Variants in LAMA2 observed in about 807,000 individuals in gnomAD.
LAMA2 encodes the protein laminin subunit alpha-2.
LAMA2 carries 269 observed loss-of-function variants against 364.8 expected under a neutral mutation model. The ratio of observed to expected loss-of-function variants is 0.74; its 90% CI spans 0.67 to 0.82. The LOEUF (loss-of-function observed/expected upper bound fraction) is 0.82, where lower values mean the gene tolerates loss of function less well. Ranked by LOEUF, LAMA2 falls within the 40% of genes least tolerant of loss-of-function variation. The pLI, the probability that LAMA2 is intolerant of heterozygous loss-of-function variation, is 0.00. For missense variants in LAMA2, 3,807 were observed against 3,873.2 expected (o/e 0.98, Z 0.45); for synonymous variants, 1,379 against 1,370.6 (o/e 1.01, Z -0.14).
At chr6:128,957,732 A>C (rs1781237095) in intron 1 of LAMA2, among the ~76,000 whole-genome samples, 1 of 151,928 alleles carries the variant, frequency 6.6e-6, no homozygotes, top group South Asian at 2.1e-4. Flanking sequence ...AGTTGTCTCG[A>C]AGAGCAGTTT....
chr6:129,288,366 A>G (rs964378474), intron 19 of LAMA2, among the ~76,000 whole-genome samples: 4 of 152,194 alleles, frequency 2.6e-5, no homozygotes, highest in Non-Finnish European at 4.4e-5. Flanking sequence ...AAGAATTTGC[A>G]TATTAGATAG....
intron 12 of LAMA2, among the ~76,000 whole-genome samples, chr6:129,234,738 T>C (rs1039663203): frequency 1.1e-4 from 16 of 152,154 alleles, no homozygotes; most frequent in African/African-American, 3.9e-4. Flanking sequence ...TTTTATGTTA[T>C]TTAGAAAATT....
chr6:129,501,044 C>T (rs1220754139), intron 58 of LAMA2, among the ~76,000 whole-genome samples: 1 of 152,174 alleles, frequency 6.6e-6, no homozygotes, highest in Non-Finnish European at 1.5e-5. Flanking sequence ...AATTCTGCCC[C>T]CAGTGGACTC....
intron 49 of LAMA2, among the ~76,000 whole-genome samples, chr6:129,462,690 T>A (rs1583810087): frequency 6.6e-6 from 1 of 152,068 alleles, no homozygotes; most frequent in South Asian, 2.1e-4. Flanking sequence ...CCCAACCCTA[T>A]TTTCCCATAA....
intron 40 of LAMA2, among the ~76,000 whole-genome samples, chr6:129,415,033 A>T (rs1164409133): frequency 6.6e-6 from 1 of 152,182 alleles, no homozygotes; most frequent in African/African-American, 2.4e-5. Flanking sequence ...CTGTGCTTAG[A>T]TTCTTCATTT....
At chr6:129,512,127 A>G (rs756633300) in intron 62 of LAMA2, among the ~76,000 whole-genome samples, 38 of 152,154 alleles carry the variant, frequency 2.5e-4, no homozygotes, top group Non-Finnish European at 4.9e-4. Flanking sequence ...CCCTGATCTC[A>G]TAGCACATAC....
intron 8 of LAMA2, among the ~76,000 whole-genome samples, chr6:129,162,301 T>C (rs1287298473): frequency 6.6e-6 from 1 of 152,214 alleles, no homozygotes; most frequent in Admixed American, 6.5e-5. Context: ...AGCAATACAA[T>C]GTTGTCATTT....
intron 17 of LAMA2, among the ~76,000 whole-genome samples, chr6:129,274,692 G>A (rs1264775495): frequency 6.6e-6 from 1 of 151,922 alleles, no homozygotes; most frequent in African/African-American, 2.4e-5. Flanking sequence ...AACTATTTAT[G>A]GTGATCACTA....
At chr6:129,168,040 G>A (rs1234179940) in intron 9 of LAMA2, among the ~76,000 whole-genome samples, 1 of 149,028 alleles carries the variant, frequency 6.7e-6, no homozygotes, top group Non-Finnish European at 1.5e-5. Flanking sequence ...ATTTGTTTGA[G>A]TTCATTGTAG....
At chr6:128,927,075 T>A (rs1779147792) in intron 1 of LAMA2, among the ~76,000 whole-genome samples, 1 of 152,200 alleles carries the variant, frequency 6.6e-6, no homozygotes, top group South Asian at 2.1e-4. Context: ...GGACTGAGAA[T>A]GATCGATGGC....
At chr6:129,477,883 A>AAAAG (rs959479724) in intron 53 of LAMA2, among the ~76,000 whole-genome samples, 3 of 152,170 alleles carry the variant, frequency 2.0e-5, no homozygotes, top group African/African-American at 4.8e-5. Context: ...TCCTGGGCTC[A>AAAAG]AAAGATCCTC....
chr6:129,443,025 T>C, intron 43 of LAMA2, 38 bp from the exon 44 acceptor site: 1 of 1,416,708 alleles, frequency 7.1e-7, no homozygotes, highest in Non-Finnish European at 9.8e-7. Flanking sequence ...GAATTTATAA[T>C]TTTTTTTTGT....
intron 4 of LAMA2, among the ~76,000 whole-genome samples, chr6:129,140,877 C>T (rs1471125680): frequency 3.9e-5 from 6 of 152,046 alleles, no homozygotes; most frequent in Non-Finnish European, 8.8e-5. Flanking sequence ...GATGAAAATA[C>T]CAAAGCTGTG....
At chr6:129,299,892 C>A (rs1442470889) in intron 21 of LAMA2, among the ~76,000 whole-genome samples, 1 of 152,122 alleles carries the variant, frequency 6.6e-6, no homozygotes, top group Non-Finnish European at 1.5e-5. Flanking sequence ...TTACTCATAA[C>A]ATTAGTCTTC....
intron 12 of LAMA2, among the ~76,000 whole-genome samples, chr6:129,226,218 CTGTG>C (rs891543958): frequency 2.0e-5 from 3 of 152,146 alleles, no homozygotes; most frequent in Non-Finnish European, 4.4e-5. Context: ...TATTTTGAGC[CTGTG>C]TGTGTCTCTG....
At chr6:129,034,462 C>CTT (rs921034307) in intron 1 of LAMA2, among the ~76,000 whole-genome samples, 3 of 151,008 alleles carry the variant, frequency 2.0e-5, no homozygotes, top group Non-Finnish European at 4.4e-5. Context: ...GTTTTTTTTT[C>CTT]TTTTTTCCTT....
chr6:129,281,955 T>G (rs964873996), intron 18 of LAMA2, among the ~76,000 whole-genome samples: 1 of 152,150 alleles, frequency 6.6e-6, no homozygotes. Context: ...CATTTTTTGT[T>G]TGAGATGTGC....
chr6:129,328,456 C>T lies in LAMA2; in HGVS notation c.4311+44C>T, dbSNP rs778436764. ...CTTGAACAAGGTCCATGTGCTCATT[C>T]CTCTTTACACATGCTCAGCATCTGC... On this transcript the variant is annotated intron_variant, in intron 29 of 64. Transcript: ENST00000421865. 11 of 1,613,736 alleles carry T rather than the reference C, an allele frequency of 6.8e-6. No individual in the cohort carries two copies. The East Asian group carries it at 1.8e-4, about 26-fold the overall frequency.
chr6:129,272,897 C>A (rs910100343), intron 17 of LAMA2, among the ~76,000 whole-genome samples: 1 of 152,068 alleles, frequency 6.6e-6, no homozygotes, highest in African/African-American at 2.4e-5. Flanking sequence ...ACAGTTTTAT[C>A]CCAAACTCCT....
Sources: allele counts gnomAD v4.1 joint callset (sites outside exome capture counted in the v4.1 genomes callset), GRCh38; gene constraint gnomAD v4.1.1; transcripts MANE v1.5; gene names NCBI Gene and HGNC (gene_info 2026-07-23, HGNC 2026-07-21).